Variants in ZCCHC24 observed in about 807,000 individuals in gnomAD.
ZCCHC24 encodes the protein zinc finger CCHC domain-containing protein 24.
Under a neutral mutation model 26.2 loss-of-function variants are expected in ZCCHC24, and 10 were observed. The observed-to-expected ratio is 0.38, with a 90% CI of 0.24 to 0.65. The LOEUF (loss-of-function observed/expected upper bound fraction) is 0.65, where lower values mean the gene tolerates loss of function less well. Among genes scored for constraint, ZCCHC24 ranks in the 30% least tolerant of loss-of-function variants. The pLI is 0.54. For synonymous variants in ZCCHC24, 144 were observed against 147.1 expected (o/e 0.98, Z 0.15); for missense variants, 243 against 329.1 (o/e 0.74, Z 2.03).
chr10:79,431,777 A>T (rs1189564310), intron 2 of ZCCHC24, among the ~76,000 whole-genome samples: 1 of 152,186 alleles, frequency 6.6e-6, no homozygotes, highest in Non-Finnish European at 1.5e-5. Context: ...GCCACATTAT[A>T]AAAAAAGTTG....
chr10:79,418,698 G>A (rs1332800270), intron 2 of ZCCHC24, among the ~76,000 whole-genome samples: 3 of 152,226 alleles, frequency 2.0e-5, no homozygotes, highest in Admixed American at 2.0e-4. Context: ...GGGCAGGGCA[G>A]AGTGAAGCCC....
At chr10:79,414,798 A>C (rs1426403928) in intron 2 of ZCCHC24, among the ~76,000 whole-genome samples, 1 of 152,202 alleles carries the variant, frequency 6.6e-6, no homozygotes, top group Non-Finnish European at 1.5e-5. Flanking sequence ...TCTAGCACCA[A>C]AAACCAAACC....
rs965299508 is a variant in ZCCHC24, at chr10:79,407,629, T to G, written c.448-13189A>C. Among the ~76,000 whole-genome samples the G allele has an allele frequency of 1.4e-4, 21 of 152,246 alleles. 1 individual carries two copies. The East Asian group carries it at 4.1e-3, about 29-fold the overall frequency. ...ACCGCCCCAGTGATCCTGGTCACAG[T>G]CTGTTAAAGTCCAGTCAGATACTGT... On this transcript the variant is annotated intron_variant, in intron 2 of 3. Transcript: ENST00000372336.
chr10:79,394,184 C>A (rs1440270284), intron 3 of ZCCHC24, 92 bp downstream of exon 3: 1 of 1,492,076 alleles, frequency 6.7e-7, no homozygotes, highest in Non-Finnish European at 9.0e-7. Context: ...TTAGAGAGAT[C>A]TCCCTTGTAG....
chr10:79,440,452 C>T (rs1031366292), intron 1 of ZCCHC24, among the ~76,000 whole-genome samples: 5 of 152,180 alleles, frequency 3.3e-5, no homozygotes, highest in Non-Finnish European at 7.3e-5. Context: ...GACAAAATGT[C>T]GGAGGCACTG....
chr10:79,412,017 G>A (rs1589667842), intron 2 of ZCCHC24, among the ~76,000 whole-genome samples: 1 of 152,242 alleles, frequency 6.6e-6, no homozygotes, highest in African/African-American at 2.4e-5. Flanking sequence ...AATCTCGCGA[G>A]TGGGAGGAAC....
chr10:79,436,370 C>G (rs1325892319), intron 1 of ZCCHC24, among the ~76,000 whole-genome samples: 1 of 152,144 alleles, frequency 6.6e-6, no homozygotes, highest in East Asian at 1.9e-4. Flanking sequence ...CCTCAGGCTC[C>G]AAGGAAAAGC....
intron 2 of ZCCHC24, among the ~76,000 whole-genome samples, chr10:79,429,275 G>C (rs1251321710): frequency 6.6e-6 from 1 of 152,186 alleles, no homozygotes; most frequent in East Asian, 1.9e-4. Flanking sequence ...GATGCGAGGG[G>C]ATGGATGATC....
chr10:79,390,206 A>C (rs1345605430), intron 3 of ZCCHC24, among the ~76,000 whole-genome samples: 1 of 152,230 alleles, frequency 6.6e-6, no homozygotes, highest in Non-Finnish European at 1.5e-5. Context: ...TAACCATAAA[A>C]AGCTCCAGAA....
chr10:79,409,688 T>C (rs1210667875), intron 2 of ZCCHC24, among the ~76,000 whole-genome samples: 1 of 152,178 alleles, frequency 6.6e-6, no homozygotes, highest in African/African-American at 2.4e-5. Flanking sequence ...AGCATGCTGG[T>C]CGCTGTTCCT....
At chr10:79,437,527 G>T (rs1364112170) in intron 1 of ZCCHC24, among the ~76,000 whole-genome samples, 1 of 152,242 alleles carries the variant, frequency 6.6e-6, no homozygotes, top group African/African-American at 2.4e-5. Flanking sequence ...AACGCAGCCA[G>T]CACGTGTTGC....
At chr10:79,387,258 G>A (rs953499534) in intron 3 of ZCCHC24, among the ~76,000 whole-genome samples, 8 of 152,166 alleles carry the variant, frequency 5.3e-5, no homozygotes, top group African/African-American at 1.4e-4. Flanking sequence ...GGGAGCCTCC[G>A]TTTCCATATC....
intron 3 of ZCCHC24, among the ~76,000 whole-genome samples, chr10:79,391,928 A>C (rs1589659086): frequency 2.8e-5 from 4 of 142,392 alleles, no homozygotes; most frequent in East Asian, 2.1e-4. Flanking sequence ...CCCTCCTACC[A>C]CCCCTCAGCC....
intron 2 of ZCCHC24, among the ~76,000 whole-genome samples, chr10:79,423,289 G>A (rs967089766): frequency 1.3e-5 from 2 of 152,004 alleles, no homozygotes; most frequent in Non-Finnish European, 2.9e-5. Context: ...GGAGGCTCAT[G>A]CCTGTAATCC....
intron 2 of ZCCHC24, among the ~76,000 whole-genome samples, chr10:79,428,131 A>G (rs1857059661): frequency 6.6e-6 from 1 of 152,238 alleles, no homozygotes; most frequent in Non-Finnish European, 1.5e-5. Flanking sequence ...TTGTCCATTG[A>G]TGGGTGAACT....
At chr10:79,406,330 T>A (rs1022769898) in intron 2 of ZCCHC24, among the ~76,000 whole-genome samples, 1 of 152,128 alleles carries the variant, frequency 6.6e-6, no homozygotes, top group Non-Finnish European at 1.5e-5. Context: ...AAAGGACACC[T>A]GTGGCACCTG....
intron 2 of ZCCHC24, among the ~76,000 whole-genome samples, chr10:79,420,036 G>A (rs1357108414): frequency 1.3e-5 from 2 of 152,000 alleles, no homozygotes; most frequent in Non-Finnish European, 2.9e-5. Context: ...CTCCCCATGA[G>A]CCCTCACACT....
At chr10:79,404,406 G>C (rs541768118) in intron 2 of ZCCHC24, among the ~76,000 whole-genome samples, 88 of 152,332 alleles carry the variant, frequency 5.8e-4, no homozygotes, top group South Asian at 2.1e-4. Context: ...GGATCAGAGC[G>C]GAGGGGCGGG....
intron 2 of ZCCHC24, among the ~76,000 whole-genome samples, chr10:79,399,330 G>C (rs965697344): frequency 6.6e-6 from 1 of 152,220 alleles, no homozygotes; most frequent in African/African-American, 2.4e-5. Context: ...CCTCCTCCCA[G>C]AAAGGCACGG....
Sources: allele counts gnomAD v4.1 joint callset (sites outside exome capture counted in the v4.1 genomes callset), GRCh38; gene constraint gnomAD v4.1.1; transcripts MANE v1.5; gene names NCBI Gene and HGNC (gene_info 2026-07-23, HGNC 2026-07-21).